Variants in SLC12A6 observed in about 807,000 individuals in gnomAD.
SLC12A6 encodes K-Cl cotransporter 3.
A neutral mutation model predicts 135.3 loss-of-function variants in SLC12A6; 66 were observed. That is an observed-to-expected ratio of 0.49 (90% CI 0.40 to 0.60). SLC12A6 has a LOEUF of 0.60. Among genes scored for constraint, SLC12A6 ranks in the 20% least tolerant of loss-of-function variants. The probability of loss-of-function intolerance (pLI) is 0.00; values close to 1 mark genes in which losing one functional copy is unlikely to be tolerated. For synonymous variants in SLC12A6, 513 were observed against 508.8 expected (o/e 1.01, Z -0.11); for missense variants, 1,058 against 1,452.3 (o/e 0.73, Z 4.41).
chr15:34,319,596 C>T (rs1269888327), intron 2 of SLC12A6, among the ~76,000 whole-genome samples: 1 of 151,848 alleles, frequency 6.6e-6, no homozygotes, highest in Non-Finnish European at 1.5e-5. Context: ...GTCAGGAGTT[C>T]AAGACCAGCC....
intron 21 of SLC12A6, among the ~76,000 whole-genome samples, chr15:34,237,960 T>TA (rs1036614480): frequency 2.6e-5 from 4 of 152,190 alleles, no homozygotes; most frequent in Admixed American, 6.5e-5. Context: ...CAGTATTTTT[T>TA]AAAAAAAGAT....
chr15:34,274,305 A>G (rs917330780), intron 3 of SLC12A6, among the ~76,000 whole-genome samples: 2 of 152,240 alleles, frequency 1.3e-5, no homozygotes, highest in Non-Finnish European at 2.9e-5. Context: ...AAAGGAAAAG[A>G]TAGTCATATA....
intron 3 of SLC12A6, among the ~76,000 whole-genome samples, chr15:34,265,748 T>C (rs968284730): frequency 6.6e-6 from 1 of 152,138 alleles, no homozygotes; most frequent in African/African-American, 2.4e-5. Context: ...ACTCCTGGCA[T>C]AGGATAGTAA....
intron 2 of SLC12A6, among the ~76,000 whole-genome samples, chr15:34,292,822 G>A (rs1445613470): frequency 6.6e-6 from 1 of 152,178 alleles, no homozygotes; most frequent in Admixed American, 6.5e-5. Context: ...TGCTGAGCCA[G>A]GCATGGGAAG....
intron 2 of SLC12A6, among the ~76,000 whole-genome samples, chr15:34,288,596 T>C (rs1038141944): frequency 2.0e-5 from 3 of 152,260 alleles, no homozygotes; most frequent in African/African-American, 7.2e-5. Context: ...TTTCATTATA[T>C]TGATTCTTCC....
At chr15:34,310,845 C>T (rs1277754620) in intron 2 of SLC12A6, among the ~76,000 whole-genome samples, 1 of 148,422 alleles carries the variant, frequency 6.7e-6, no homozygotes, top group African/African-American at 2.5e-5. Context: ...GTGTTGAACT[C>T]CTGGGCTCAA....
At position 34,230,821 on chromosome 15, in the gene SLC12A6, G is replaced by C. The variant is rs531291849; in HGVS notation, c.*3060C>G. ...TCTGGCCTAATAACCAGTTTTCCAT[G>C]TAACAGTGATTTTGTGTTTCGGGCT... On this transcript the variant is annotated 3_prime_UTR_variant, in exon 26 of 26. Transcript: ENST00000354181. 3 of 152,266 alleles carry C rather than the reference G, an allele frequency of 2.0e-5. No individual in the cohort carries two copies. Among genetic ancestry groups the C allele is most frequent in the South Asian group, 2.1e-4 (1 of 4,824 alleles). The allele number at this position is 152,266 out of a possible 1,614,324, so 9.4% of individuals were successfully genotyped here. A position where few individuals can be genotyped will look rare whatever the true frequency, so the allele number is the denominator to read the frequency against.
rs192226274 is a variant in SLC12A6, at chr15:34,334,616, C to A, written c.271+1794G>T. ...GTCACTGAGAAAGTATAAAGTTCCA[C>A]GAGAATAGGGCAAAGTCCTCTCTAA... On this transcript the variant is annotated intron_variant, in intron 2 of 25. Coordinates refer to ENST00000354181, the MANE Select transcript of SLC12A6 (RefSeq NM_001365088.1). 8.5e-5 allele frequency among the ~76,000 whole-genome samples: 13 copies of A among 152,184 alleles called. No homozygotes were observed. The South Asian group carries it at 2.5e-3, about 29-fold the overall frequency.
intron 21 of SLC12A6, among the ~76,000 whole-genome samples, chr15:34,237,869 T>A (rs1457596827): frequency 6.6e-6 from 1 of 152,250 alleles, no homozygotes; most frequent in Non-Finnish European, 1.5e-5. Context: ...TTTACTATTT[T>A]AAATCTCATT....
rs1293673844 is a variant in SLC12A6 at position 34,239,026 on chromosome 15, C to T, written c.2571G>A (p.Val857=). The change falls in exon 20 of 26, where the codon GTG becomes GTA. Residue 857 remains valine (V), a synonymous_variant. Transcript: ENST00000354181. ...GLGGMKHNTV[V]MGWPNGWRQS... The stretch of plus-strand genomic sequence containing the variant: ...GACGCCAGCCATTAGGCCAGCCCAT[C>T]ACCACCGTGTTGTGCTTCATGCCCC... The T allele has an allele frequency of 1.2e-6, 2 of 1,614,212 alleles. No homozygotes were observed. Among genetic ancestry groups the T allele is most frequent in the Admixed American group, 1.7e-5 (1 of 60,032 alleles).
At chr15:34,273,288 T>A (rs1894086360) in intron 3 of SLC12A6, among the ~76,000 whole-genome samples, 1 of 151,912 alleles carries the variant, frequency 6.6e-6, no homozygotes, top group Non-Finnish European at 1.5e-5. Flanking sequence ...GAGGTGGAGG[T>A]TGCAGTGAGC....
rs766850109 is a variant in SLC12A6 at position 34,239,004 on chromosome 15, G to T, written c.2593C>A (p.Arg865Ser). 3.7e-6 allele frequency: 6 copies of T among 1,613,630 alleles called. No individual in the cohort carries two copies. The highest frequency in any genetic ancestry group is 3.4e-6 in the Non-Finnish European group (4 of 1,179,926). ...TVVMGWPNGW[R>S]QSEDARAWKT... is the part of the protein sequence containing the mutation. ...CAAGCGCGGGCATCTTCGCTTTGAC[G>T]CCAGCCATTAGGCCAGCCCATCACC... is the stretch of plus-strand genomic sequence containing the variant. Residue 865 changes from arginine to serine, a missense_variant, in exon 20 of 26, where the codon CGT becomes AGT. By Grantham distance (110) the Arg-to-Ser change is moderately radical (BLOSUM62 -1). Around this residue, in one of 6 missense-constraint regions of SLC12A6, gnomAD observed 245 missense variants for 440.8 expected, o/e 0.56. Coordinates refer to ENST00000354181, the MANE Select transcript of SLC12A6 (RefSeq NM_001365088.1).
chr15:34,275,101 ATTTT>A (rs545424009), intron 3 of SLC12A6, among the ~76,000 whole-genome samples: 3 of 152,110 alleles, frequency 2.0e-5, no homozygotes, highest in Non-Finnish European at 4.4e-5. Context: ...TAGTTCTTAG[ATTTT>A]TTTTAACCAT....
At chr15:34,323,140 T>A (rs532377728) in intron 2 of SLC12A6, among the ~76,000 whole-genome samples, 36 of 151,948 alleles carry the variant, frequency 2.4e-4, no homozygotes, top group African/African-American at 8.7e-4. Flanking sequence ...ACAAAGGAGA[T>A]CTGTATCTAG....
At chr15:34,333,676 G>A (rs777904743) in intron 2 of SLC12A6, among the ~76,000 whole-genome samples, 5 of 152,184 alleles carry the variant, frequency 3.3e-5, no homozygotes, top group Non-Finnish European at 7.3e-5. Context: ...TTCAAATGGA[G>A]CCTTGCCAAA....
Position 34,252,301 on chromosome 15 carries a change from A to T in SLC12A6, c.1202T>A (p.Val401Asp), listed in dbSNP as rs1892446885. Residue 401 changes from valine (V) to aspartate (D), a missense_variant, in exon 10 of 26, where the codon GTC becomes GAC. Transcript: ENST00000354181. ...GAAGAATCCCCATAACTTTGATGGG[A>T]CTGTCATGTTGTTAATTTCCTTGGT... ...SKTKEINNMT[V>D]PSKLWGFFCN... 1 of 1,609,448 alleles carries T rather than the reference A, an allele frequency of 6.2e-7. No individual in the cohort carries two copies. The highest frequency in any genetic ancestry group is 8.5e-7 in the Non-Finnish European group (1 of 1,175,798).
chr15:34,243,851 A>G, intron 16 of SLC12A6, 123 bp downstream of exon 16: 1 of 731,010 alleles, frequency 1.4e-6, no homozygotes, highest in South Asian at 1.5e-5. Flanking sequence ...TTGAAAGTTG[A>G]AACAGTATGA....
At chr15:34,251,402 C>T (rs1318143765) in intron 10 of SLC12A6, among the ~76,000 whole-genome samples, 1 of 152,044 alleles carries the variant, frequency 6.6e-6, no homozygotes, top group African/African-American at 2.4e-5. Flanking sequence ...CGCCTGCCAC[C>T]ACGCCCAGCT....
intron 2 of SLC12A6, among the ~76,000 whole-genome samples, chr15:34,290,049 AG>A (rs1895407971): frequency 6.6e-6 from 1 of 151,878 alleles, no homozygotes; most frequent in Non-Finnish European, 1.5e-5. Flanking sequence ...TTGCTTCTCT[AG>A]TTCTTTCAAT....
Sources: allele counts gnomAD v4.1 joint callset (sites outside exome capture counted in the v4.1 genomes callset), GRCh38; gene constraint gnomAD v4.1.1; regional missense constraint gnomAD v4.1.1; transcripts MANE v1.5; gene names NCBI Gene and HGNC (gene_info 2026-07-23, HGNC 2026-07-21).